Variants in MRTFB observed in about 807,000 individuals in gnomAD.
The protein encoded by MRTFB is myocardin related transcription factor B.
MRTFB carries 29 observed loss-of-function variants against 104.2 expected under a neutral mutation model. The observed-to-expected ratio is 0.28, with a 90% CI of 0.21 to 0.38. MRTFB has a LOEUF of 0.38. Among genes scored for constraint, MRTFB ranks in the 10% least tolerant of loss-of-function variants. MRTFB has a pLI of 1.00. For missense variants in MRTFB, 1,270 were observed against 1,341.6 expected (o/e 0.95, Z 0.83); for synonymous variants, 535 against 519.5 (o/e 1.03, Z -0.41).
chr16:14,226,948 C>G (rs1206173717), intron 8 of MRTFB, among the ~76,000 whole-genome samples: 1 of 151,052 alleles, frequency 6.6e-6, no homozygotes. Flanking sequence ...CCACTGCACT[C>G]CAGCCTGGGG....
the MRTFB span, among the ~76,000 whole-genome samples, chr16:14,004,401 G>T: frequency 8.5e-5 from 13 of 152,156 alleles, no homozygotes; most frequent in African/African-American, 3.1e-4. Flanking sequence ...ATGATGTATC[G>T]CTTTTCAGCT....
intron 4 of MRTFB, among the ~76,000 whole-genome samples, chr16:14,210,745 TA>T (rs2041157933): frequency 6.6e-6 from 1 of 152,258 alleles, no homozygotes; most frequent in African/African-American, 2.4e-5. Flanking sequence ...CTGTGTACAG[TA>T]ATTAAATGTA....
chr16:14,120,355 C>G (rs974602390), intron 2 of MRTFB, among the ~76,000 whole-genome samples: 1 of 152,082 alleles, frequency 6.6e-6, no homozygotes, highest in Non-Finnish European at 1.5e-5. Flanking sequence ...ATGTTTAATC[C>G]CTCCGTTCTC....
the MRTFB span, among the ~76,000 whole-genome samples, chr16:14,062,503 G>A: frequency 6.6e-6 from 1 of 152,154 alleles, no homozygotes; most frequent in African/African-American, 2.4e-5. Flanking sequence ...CAGGTAAGCA[G>A]GGGGAGTGGG....
chr16:14,236,595 G>A (rs1448172367), intron 9 of MRTFB, among the ~76,000 whole-genome samples: 4 of 152,150 alleles, frequency 2.6e-5, no homozygotes, highest in Admixed American at 6.5e-5. Flanking sequence ...ATACGCAGAT[G>A]ACATTTGGAC....
chr16:14,240,783 T>G (rs1427577305), intron 10 of MRTFB: 1 of 761,594 alleles, frequency 1.3e-6, no homozygotes, highest in Non-Finnish European at 2.4e-6. Flanking sequence ...CTAGATGCTC[T>G]GAGAAAAGCG....
the MRTFB span, among the ~76,000 whole-genome samples, chr16:14,025,994 T>C: frequency 2.0e-5 from 3 of 152,166 alleles, no homozygotes; most frequent in African/African-American, 7.2e-5. Context: ...AATGGGGAGA[T>C]GCACCATGTT....
At position 14,150,163 on chromosome 16, in the gene MRTFB, A is replaced by G. The variant is rs1029273333; in HGVS notation, c.154+9403A>G. Among the ~76,000 whole-genome samples, 25 of 152,194 alleles carry G rather than the reference A, an allele frequency of 1.6e-4. 1 individual carries two copies. The highest frequency in any genetic ancestry group is 1.3e-3 in the Admixed American group (20 of 15,280). ...TTACTAGCTATGTGAATGTGGACCA[A>G]TTAGTTACCTTCCCTTTGCCTCAGT... On this transcript the variant is annotated intron_variant, in intron 3 of 16. Coordinates refer to ENST00000571589, the MANE Select transcript of MRTFB (RefSeq NM_001308142.2).
chr16:14,217,686 A>G (rs1425152638), intron 7 of MRTFB, among the ~76,000 whole-genome samples: 1 of 152,244 alleles, frequency 6.6e-6, no homozygotes, highest in East Asian at 1.9e-4. Flanking sequence ...TTAAGATAGG[A>G]TATTAACTTT....
chr16:14,250,716 CGTT>C (rs1284716340), intron 13 of MRTFB, among the ~76,000 whole-genome samples: 1 of 152,132 alleles, frequency 6.6e-6, no homozygotes, highest in Non-Finnish European at 1.5e-5. Flanking sequence ...CTTGAGAACA[CGTT>C]GTGGCAGGGG....
chr16:14,042,043 T>G, the MRTFB span, among the ~76,000 whole-genome samples: 5 of 152,238 alleles, frequency 3.3e-5, no homozygotes, highest in Non-Finnish European at 7.3e-5. Flanking sequence ...TTTTCCATGA[T>G]GCTGACCCAT....
chr16:14,173,158 T>G (rs1219498232), intron 3 of MRTFB, among the ~76,000 whole-genome samples: 1 of 152,118 alleles, frequency 6.6e-6, no homozygotes, highest in South Asian at 2.1e-4. Context: ...TCCCTCCACA[T>G]TGCTTTTCTT....
At chr16:14,240,151 T>TA in intron 9 of MRTFB, 86 bp from the exon 10 acceptor site, 1 of 1,453,308 alleles carries the variant, frequency 6.9e-7, no homozygotes, top group Non-Finnish European at 9.1e-7. Context: ...CATTTCTTTT[T>TA]AATTTCAAAT....
At chr16:14,008,224 C>G in the MRTFB span, among the ~76,000 whole-genome samples, 1 of 151,948 alleles carries the variant, frequency 6.6e-6, no homozygotes, top group Non-Finnish European at 1.5e-5. Context: ...TCCAATTTTT[C>G]TATTTTTTCT....
intron 3 of MRTFB, among the ~76,000 whole-genome samples, chr16:14,186,476 T>C (rs1009075747): frequency 3.9e-5 from 6 of 152,220 alleles, no homozygotes; most frequent in Admixed American, 2.0e-4. Context: ...CAATTTGTCT[T>C]CTTAGGTATC....
chr16:14,079,256 C>A, intron 1 of MRTFB, 34 bp from the exon 2 acceptor site: 3 of 342,146 alleles, frequency 8.8e-6, no homozygotes, highest in South Asian at 2.8e-4. Context: ...AGTAGGTGCT[C>A]AATAAAAAGT....
chr16:14,191,615 T>C (rs531530639), intron 3 of MRTFB, among the ~76,000 whole-genome samples: 1 of 152,330 alleles, frequency 6.6e-6, no homozygotes, highest in South Asian at 2.1e-4. Flanking sequence ...CACATTATTA[T>C]TATGCATAAG....
At chr16:14,125,804 A>G (rs2037078753) in intron 2 of MRTFB, among the ~76,000 whole-genome samples, 1 of 152,140 alleles carries the variant, frequency 6.6e-6, no homozygotes, top group South Asian at 2.1e-4. Flanking sequence ...TTTCATCTTT[A>G]TCTGAAAAAT....
intron 2 of MRTFB, among the ~76,000 whole-genome samples, chr16:14,139,158 A>G (rs1015516945): frequency 1.3e-5 from 2 of 152,256 alleles, no homozygotes; most frequent in Admixed American, 1.3e-4. Flanking sequence ...ATACTTGTAA[A>G]TCATATATCT....
Sources: gnomAD v4.1 joint callset for allele counts (sites outside exome capture counted in the v4.1 genomes callset) on GRCh38, gnomAD v4.1.1 for gene constraint, MANE v1.5 for transcripts, NCBI Gene and HGNC (gene_info 2026-07-23, HGNC 2026-07-21) for gene names.